Variants in SLC8A1 observed in about 807,000 individuals in gnomAD.
The protein encoded by SLC8A1 is solute carrier family 8 member A1.
A neutral mutation model predicts 68.3 loss-of-function variants in SLC8A1; 18 were observed. The observed-to-expected ratio is 0.26, with a 90% CI of 0.18 to 0.39. The LOEUF (loss-of-function observed/expected upper bound fraction) is 0.39. Among genes scored for constraint, SLC8A1 ranks in the 10% least tolerant of loss-of-function variants. SLC8A1 has a pLI of 1.00. For synonymous variants in SLC8A1, 475 were observed against 415.5 expected (o/e 1.14, Z -1.74); for missense variants, 985 against 1,156.7 (o/e 0.85, Z 2.15).
intron 2 of SLC8A1, among the ~76,000 whole-genome samples, chr2:40,411,064 G>C (rs1194957174): frequency 2.6e-5 from 4 of 152,020 alleles, no homozygotes; most frequent in Non-Finnish European, 5.9e-5. Flanking sequence ...CCAGCCTAAA[G>C]TTGTATGGCA....
intron 6 of SLC8A1, among the ~76,000 whole-genome samples, chr2:40,151,357 A>C (rs2043388161): frequency 6.6e-6 from 1 of 152,140 alleles, no homozygotes; most frequent in South Asian, 2.1e-4. Flanking sequence ...TTATATACGG[A>C]TTGGAAAACT....
chr2:40,284,914 T>G (rs2149204276), intron 2 of SLC8A1, among the ~76,000 whole-genome samples: 1 of 152,234 alleles, frequency 6.6e-6, no homozygotes, highest in East Asian at 1.9e-4. Context: ...TTCATATTCA[T>G]CTGATGGTTA....
chr2:40,323,523 C>T (rs1230066684), intron 2 of SLC8A1, among the ~76,000 whole-genome samples: 2 of 151,998 alleles, frequency 1.3e-5, no homozygotes, highest in East Asian at 1.9e-4. Context: ...TTTTTTCAAT[C>T]CCCAATTTAA....
rs555603945 is a variant in SLC8A1 at position 40,264,956 on chromosome 2, G to A, written c.1809-87101C>T. On this transcript the variant is annotated intron_variant, in intron 2 of 7. Coordinates refer to ENST00000406785, the Ensembl canonical transcript of SLC8A1. ...GTAAGAAAACTGAGGCTTAGAGGGT[G>A]TTTATGAGCACAGGGGAAGATACAC... Among the ~76,000 whole-genome samples the A allele has an allele frequency of 2.0e-5, 3 of 152,326 alleles. No individual in the cohort carries two copies. In the South Asian group the frequency reaches 6.2e-4, roughly 32 times the overall value.
intron 2 of SLC8A1, among the ~76,000 whole-genome samples, chr2:40,216,156 A>T (rs1344653731): frequency 6.6e-6 from 1 of 150,464 alleles, no homozygotes; most frequent in African/African-American, 2.4e-5. Flanking sequence ...CCTCCCCTCA[A>T]CACCCACCCA....
chr2:40,376,588 G>T (rs930010596), intron 2 of SLC8A1, among the ~76,000 whole-genome samples: 12 of 144,006 alleles, frequency 8.3e-5, no homozygotes, highest in African/African-American at 2.9e-4. Context: ...AAAGGAAAAG[G>T]GAAAGGGAAA....
chr2:40,175,414 A>G lies in SLC8A1; in HGVS notation c.1913-572T>C, dbSNP rs149240720. 143 of 791,656 alleles carry G rather than the reference A, an allele frequency of 1.8e-4. No individual in the cohort carries two copies. The East Asian group carries it at 3.0e-3, about 16-fold the overall frequency. The allele number at this position is 791,656 out of a possible 1,614,324, so 49.0% of individuals were successfully genotyped here. ...TAGGGAGCCACTGCTAAAAATGGGT[A>G]TACCCCAAAGAAATATAGTGATGGG... On this transcript the variant is annotated intron_variant, in intron 3 of 7. Transcript: ENST00000406785.
chr2:40,251,412 GA>G, intron 2 of SLC8A1: 1 of 152,298 alleles, frequency 6.6e-6, no homozygotes, highest in Non-Finnish European at 1.5e-5. Flanking sequence ...AGAAGAGCAG[GA>G]AAAGGTGGCA....
chr2:40,497,603 A>G (rs1347388945), intron 1 of SLC8A1, among the ~76,000 whole-genome samples: 1 of 152,012 alleles, frequency 6.6e-6, no homozygotes, highest in Non-Finnish European at 1.5e-5. Flanking sequence ...CTCAAGAAAG[A>G]AGGTATTAAA....
At chr2:40,415,995 G>C (rs1403335680) in intron 2 of SLC8A1, among the ~76,000 whole-genome samples, 3 of 149,942 alleles carry the variant, frequency 2.0e-5, no homozygotes, top group East Asian at 4.0e-4. Context: ...CCGGGAGGCG[G>C]AGCTGAGATC....
At chr2:40,460,775 G>C (rs1703295855) in intron 1 of SLC8A1, among the ~76,000 whole-genome samples, 1 of 152,076 alleles carries the variant, frequency 6.6e-6, no homozygotes, top group Non-Finnish European at 1.5e-5. Context: ...GTTTTACCAT[G>C]TTGGCCAGAC....
At chr2:40,410,855 C>A (rs1255151446) in intron 2 of SLC8A1, among the ~76,000 whole-genome samples, 3 of 151,846 alleles carry the variant, frequency 2.0e-5, no homozygotes, top group African/African-American at 7.3e-5. Context: ...ATTATTTTTG[C>A]CATTTATCAG....
chr2:40,388,277 T>C (rs1684221796), intron 2 of SLC8A1, among the ~76,000 whole-genome samples: 1 of 152,198 alleles, frequency 6.6e-6, no homozygotes, highest in Admixed American at 6.5e-5. Flanking sequence ...AAATGTTTTA[T>C]GGATCACATT....
At chr2:40,420,431 A>G (rs1345963170) in intron 2 of SLC8A1, among the ~76,000 whole-genome samples, 3 of 152,082 alleles carry the variant, frequency 2.0e-5, no homozygotes, top group South Asian at 2.1e-4. Context: ...ATTCAGCCAT[A>G]TAAGGAAGTT....
chr2:40,378,755 C>A (rs535771742), intron 2 of SLC8A1, among the ~76,000 whole-genome samples: 1 of 152,016 alleles, frequency 6.6e-6, no homozygotes, highest in South Asian at 2.1e-4. Context: ...CACACACATG[C>A]TCCTGTTCCT....
intron 2 of SLC8A1, among the ~76,000 whole-genome samples, chr2:40,334,510 A>G (rs1233689731): frequency 6.6e-6 from 1 of 152,234 alleles, no homozygotes; most frequent in Non-Finnish European, 1.5e-5. Context: ...TATGTGCATT[A>G]AAATTCTTAA....
chr2:40,346,047 TAAAAAAAAA>T (rs774555210), intron 2 of SLC8A1, among the ~76,000 whole-genome samples: 4 of 41,696 alleles, frequency 9.6e-5, no homozygotes, highest in Non-Finnish European at 1.3e-4. Flanking sequence ...ACATTAACAG[TAAAAAAAAA>T]AAAAAAAAAA....
chr2:40,478,833 G>A (rs1170387638), intron 1 of SLC8A1, among the ~76,000 whole-genome samples: 5 of 150,794 alleles, frequency 3.3e-5, no homozygotes, highest in South Asian at 2.1e-4. Flanking sequence ...GTGCAATGGC[G>A]CAGTCCCAGC....
intron 2 of SLC8A1, among the ~76,000 whole-genome samples, chr2:40,268,523 C>T (rs1017008452): frequency 6.6e-5 from 10 of 152,024 alleles, no homozygotes; most frequent in African/African-American, 2.2e-4. Context: ...TGCCTTGGTA[C>T]CCCCCATTAA....
Sources: gnomAD v4.1 joint callset for allele counts (sites outside exome capture counted in the v4.1 genomes callset) on GRCh38, gnomAD v4.1.1 for gene constraint, MANE v1.5 for transcripts, NCBI Gene and HGNC (gene_info 2026-07-23, HGNC 2026-07-21) for gene names.